Variants in WNK2 observed in about 807,000 individuals in gnomAD.
WNK2 encodes the protein serine/threonine-protein kinase WNK2.
In WNK2, 67 loss-of-function variants were observed where a neutral mutation model predicts 192.1. The ratio of observed to expected loss-of-function variants is 0.35; its 90% CI spans 0.29 to 0.43. The LOEUF (loss-of-function observed/expected upper bound fraction) is 0.43, where lower values mean the gene tolerates loss of function less well. Among genes scored for constraint, WNK2 ranks in the 20% least tolerant of loss-of-function variants. The pLI, the probability that WNK2 is intolerant of heterozygous loss-of-function variation, is 1.00. For synonymous variants in WNK2, 1,439 were observed against 1,393.9 expected (o/e 1.03, Z -0.72); for missense variants, 2,698 against 3,089.7 (o/e 0.87, Z 3.01).
chr9:93,203,273 A>G (rs572795525), intron 2 of WNK2, among the ~76,000 whole-genome samples: 1 of 152,072 alleles, frequency 6.6e-6, no homozygotes, highest in East Asian at 2.0e-4. Context: ...GCCCAGGGAA[A>G]GGTATGGCAG....
chr9:93,215,851 A>G (rs1835647131), intron 2 of WNK2, among the ~76,000 whole-genome samples: 1 of 151,714 alleles, frequency 6.6e-6, no homozygotes, highest in African/African-American at 2.4e-5. Context: ...TTTATTTTTC[A>G]TCATTTTGGT....
intron 8 of WNK2, among the ~76,000 whole-genome samples, chr9:93,251,589 A>G (rs1338619322): frequency 1.3e-5 from 2 of 152,178 alleles, no homozygotes; most frequent in African/African-American, 2.4e-5. Flanking sequence ...GTATGCCTGT[A>G]GTTCTAGCTA....
At chr9:93,219,765 C>T (rs984711196) in intron 2 of WNK2, among the ~76,000 whole-genome samples, 9 of 152,254 alleles carry the variant, frequency 5.9e-5, no homozygotes, top group African/African-American at 7.2e-5. Context: ...ATAAAACACC[C>T]GTATGCCATG....
At chr9:93,299,410 AG>A (rs1327395043) in intron 25 of WNK2, 149 bp downstream of exon 25, 5 of 810,760 alleles carry the variant, frequency 6.2e-6, no homozygotes, top group Non-Finnish European at 9.0e-6. Context: ...AAAAAAAAAA[AG>A]GTGTAGTCTT....
In WNK2 at chr9:93,300,792, C is replaced by T. The variant is rs79658588; in HGVS notation, c.6214+643C>T. Among the ~76,000 whole-genome samples the T allele has an allele frequency of 2.8e-3, 433 of 152,342 alleles. 4 individuals are homozygous for T. Among genetic ancestry groups the T allele is most frequent in the African/African-American group, 9.6e-3 (401 of 41,582 alleles). ...AGAACGTGCTCCAGTTCGGGCCTCC[C>T]CAGCCCCTCCCCACTGGAAGGGCAG... is the stretch of plus-strand genomic sequence containing the variant. On this transcript the variant is annotated intron_variant, in intron 26 of 29. Transcript: ENST00000427277.
chr9:93,250,012 C>A (rs1842331677), intron 8 of WNK2, among the ~76,000 whole-genome samples: 1 of 144,194 alleles, frequency 6.9e-6, no homozygotes, highest in Non-Finnish European at 1.5e-5. Flanking sequence ...CTCCTGGGTT[C>A]AAGTGATTCT....
rs1204234005 is a variant in WNK2, at chr9:93,292,664, A to G, written c.5199A>G (p.Pro1733=). The change falls in exon 23 of 30, where the codon CCA becomes CCG. Residue 1733 remains proline, a synonymous_variant. Transcript: ENST00000427277. ...ARALGSPRKR[P]EQQDVSSPAK... is the part of the protein sequence containing the mutation. ...CTTTGGGGTCCCCTCGGAAACGTCC[A>G]GAGCAGCAGGATGTCAGCTCACCAG... The G allele has an allele frequency of 6.3e-7, 1 of 1,578,612 alleles. No homozygotes were observed. The highest frequency in any genetic ancestry group is 8.6e-7 in the Non-Finnish European group (1 of 1,163,778).
chr9:93,275,195 A>G (rs1846642914), intron 19 of WNK2, among the ~76,000 whole-genome samples: 1 of 152,226 alleles, frequency 6.6e-6, no homozygotes, highest in Non-Finnish European at 1.5e-5. Context: ...TCAGTTGACT[A>G]AATACAACAT....
intron 19 of WNK2, among the ~76,000 whole-genome samples, chr9:93,270,975 G>A (rs1458519335): frequency 1.3e-5 from 2 of 152,134 alleles, no homozygotes; most frequent in African/African-American, 4.8e-5. Flanking sequence ...TGAGTCCTAG[G>A]GAACCAGGAA....
At chr9:93,241,275 C>T (rs894595437) in intron 7 of WNK2, among the ~76,000 whole-genome samples, 4 of 152,158 alleles carry the variant, frequency 2.6e-5, no homozygotes, top group African/African-American at 7.2e-5. Flanking sequence ...AAAGTCACAA[C>T]GGGGAAGACC....
At chr9:93,193,860 A>C (rs1830771767) in intron 2 of WNK2, among the ~76,000 whole-genome samples, 2 of 152,216 alleles carry the variant, frequency 1.3e-5, no homozygotes, top group African/African-American at 4.8e-5. Flanking sequence ...TTTTAAAAAG[A>C]ATGAAAGAAA....
At chr9:93,244,640 C>T (rs1417860551) in intron 7 of WNK2, among the ~76,000 whole-genome samples, 3 of 152,088 alleles carry the variant, frequency 2.0e-5, no homozygotes, top group Non-Finnish European at 4.4e-5. Context: ...AAGGGTGGGG[C>T]CACGCCCTGG....
chr9:93,230,222 C>T (rs1056902385), intron 3 of WNK2, among the ~76,000 whole-genome samples: 18 of 151,958 alleles, frequency 1.2e-4, no homozygotes, highest in African/African-American at 3.1e-4. Context: ...AGTGGGGTGG[C>T]CACGGCAGCC....
Position 93,269,960 on chromosome 9 carries a change from T to A in WNK2, c.4033+1214T>A, listed in dbSNP as rs138010741. 3.3e-3 allele frequency among the ~76,000 whole-genome samples: 504 copies of A among 152,292 alleles called. 5 individuals carry two copies. Among genetic ancestry groups the A allele is most frequent in the African/African-American group, 0.012 (482 of 41,562 alleles). On this transcript the variant is annotated intron_variant, in intron 19 of 29. Transcript: ENST00000427277. ...TTTGAAATCTGATCATAGTGGAGAA[T>A]TATTAGGCTGGGGTCCTGGGAAGGA...
chr9:93,317,429 T>C (rs1279780881), intron 28 of WNK2, 91 bp from the exon 29 acceptor site: 1 of 1,269,928 alleles, frequency 7.9e-7, no homozygotes, highest in Non-Finnish European at 1.1e-6. Context: ...CTCCTGAGGA[T>C]GGAGAAACTG....
At chr9:93,225,013 T>C (rs1183580994) in intron 2 of WNK2, among the ~76,000 whole-genome samples, 1 of 151,760 alleles carries the variant, frequency 6.6e-6, no homozygotes, top group Non-Finnish European at 1.5e-5. Flanking sequence ...AGCAAACAGG[T>C]GATGAGGATG....
At chr9:93,213,844 T>A (rs1564004373) in intron 2 of WNK2, among the ~76,000 whole-genome samples, 1 of 152,186 alleles carries the variant, frequency 6.6e-6, no homozygotes, top group East Asian at 1.9e-4. Flanking sequence ...GATTACAACA[T>A]GTATCCAAAG....
chr9:93,267,448 T>G (rs1264235533), intron 16 of WNK2, among the ~76,000 whole-genome samples: 1 of 152,186 alleles, frequency 6.6e-6, no homozygotes, highest in African/African-American at 2.4e-5. Flanking sequence ...TTACCTGTTC[T>G]GAAGATGGCT....
At position 93,247,647 on chromosome 9, in the gene WNK2, G is replaced by A. The variant is rs750657954; in HGVS notation, c.1647G>A (p.Ala549=). ...IQWRRERIWP[A]LQPKEQQDVG... Reference sequence around the variant, plus strand: ...GGCGGCGGGAGAGGATCTGGCCCGCGCTGCAGCCCAAGGAGCAGCAGGATG... The same window carrying A: ...GGCGGCGGGAGAGGATCTGGCCCGCACTGCAGCCCAAGGAGCAGCAGGATG... The change falls in exon 8 of 30, where the codon GCG becomes GCA. Residue 549 remains alanine, a synonymous_variant. Coordinates refer to ENST00000427277, the MANE Select transcript of WNK2 (RefSeq NM_006648.4). This position sits in a 1 kb window ranked among gnomAD's most constrained non-coding sequence, Gnocchi z 5.2. The A allele has an allele frequency of 6.3e-6, 10 of 1,585,950 alleles. No homozygotes were observed. Among genetic ancestry groups the A allele is most frequent in the African/African-American group, 1.3e-5 (1 of 74,354 alleles).
Sources: allele counts gnomAD v4.1 joint callset (sites outside exome capture counted in the v4.1 genomes callset), GRCh38; gene constraint gnomAD v4.1.1; non-coding constraint Gnocchi (gnomAD v3.1); transcripts MANE v1.5; gene names NCBI Gene and HGNC (gene_info 2026-07-23, HGNC 2026-07-21).